The following SPAG6 variants were observed in gnomAD, a reference collection of about 807,000 sequenced individuals.
SPAG6 encodes the protein sperm associated antigen 6, also known as sperm-associated antigen 6.
SPAG6 carries 49 observed loss-of-function variants against 58.5 expected under a neutral mutation model. That is an observed-to-expected ratio of 0.84 (90% CI 0.67 to 1.06). The LOEUF is 1.06. Ranked by LOEUF, SPAG6 falls within the 50% of genes least tolerant of loss-of-function variation. The pLI is 0.00. For missense variants in SPAG6, 560 were observed against 611.3 expected (o/e 0.92, Z 0.89); for synonymous variants, 233 against 225.6 (o/e 1.03, Z -0.29).
intron 3 of SPAG6, among the ~76,000 whole-genome samples, chr10:22,367,745 T>C (rs1348483209): frequency 6.6e-6 from 1 of 152,192 alleles, no homozygotes; most frequent in Non-Finnish European, 1.5e-5. Context: ...AGTCTTGTGT[T>C]TCAGTTTCAT....
chr10:22,386,655 C>T, intron 4 of SPAG6, 99 bp from the exon 5 acceptor site: 1 of 867,734 alleles, frequency 1.2e-6, no homozygotes, highest in Admixed American at 1.8e-5. Context: ...GTGAAGTACA[C>T]CCTCCCCTTT....
At chr10:22,400,758 T>C (rs1034932095) in intron 8 of SPAG6, among the ~76,000 whole-genome samples, 18 of 152,094 alleles carry the variant, frequency 1.2e-4, no homozygotes, top group African/African-American at 4.1e-4. Flanking sequence ...AATGACATTC[T>C]TCAAAAAACC....
At chr10:22,347,457 C>T (rs548814626) in intron 2 of SPAG6, among the ~76,000 whole-genome samples, 11 of 152,036 alleles carry the variant, frequency 7.2e-5, no homozygotes, top group Non-Finnish European at 1.5e-4. Context: ...TTCTCTCAGT[C>T]CCTCTCAATG....
chr10:22,404,527 T>C (rs1212119714), intron 9 of SPAG6, among the ~76,000 whole-genome samples: 4 of 88,304 alleles, frequency 4.5e-5, no homozygotes, highest in Admixed American at 2.6e-4. Context: ...CATGCTGTTT[T>C]GGTTACTGTA....
In SPAG6 at chr10:22,345,714, C is replaced by G; in HGVS notation, c.26-9C>G. The G allele has an allele frequency of 6.2e-7, 1 of 1,609,224 alleles. No homozygotes were observed. Among genetic ancestry groups the G allele is most frequent in the Non-Finnish European group, 8.5e-7 (1 of 1,177,964 alleles). On this transcript the variant is annotated splice_polypyrimidine_tract_variant and intron_variant, in intron 1 of 10. Transcript: ENST00000376624. The surrounding 1 kb of genome is among the most constrained non-coding windows in gnomAD (Gnocchi z 6.3). ...GTGCGGTGGGCTCCACCGACTCTCT[C>G]TCCCGCAGTGTTCGAGCAATACCAG...
In SPAG6 at chr10:22,345,912, G is replaced by T; in HGVS notation, c.121+94G>T. On this transcript the variant is annotated intron_variant, in intron 2 of 10. Coordinates refer to ENST00000376624, the MANE Select transcript of SPAG6 (RefSeq NM_012443.4). The surrounding 1 kb of genome is among the most constrained non-coding windows in gnomAD (Gnocchi z 6.3). ...CTGCCCGTGGAGCTCTTGGGGAGCC[G>T]CAGTGTGGGGACCGGAGTTCGCAAA... 6.4e-7 allele frequency: 1 copy of T among 1,574,792 alleles called. No homozygotes were observed. The highest frequency in any genetic ancestry group is 1.4e-5 in the African/African-American group (1 of 73,702).
At chr10:22,354,739 G>A (rs973552070) in intron 2 of SPAG6, among the ~76,000 whole-genome samples, 1 of 152,162 alleles carries the variant, frequency 6.6e-6, no homozygotes, top group Admixed American at 6.5e-5. Flanking sequence ...GGCTAGGCAC[G>A]GTGGCTCACG....
rs886501883 is a variant in SPAG6, at chr10:22,360,918, C to T, written c.122-3935C>T. 18 of 970,062 alleles carry T rather than the reference C, an allele frequency of 1.9e-5. 1 individual carries two copies. The South Asian group carries it at 2.1e-4, about 11-fold the overall frequency. 60.1% of individuals were successfully genotyped at this position (970,062 alleles called of 1,614,324 possible). On this transcript the variant is annotated intron_variant, in intron 2 of 10. Transcript: ENST00000376624. ...TTCCTTCCTTCCTTCCTTCCATTGT[C>T]ACCATTTTTATGCAGTTTCCTTGCA...
intron 8 of SPAG6, among the ~76,000 whole-genome samples, chr10:22,399,388 T>C (rs1404170627): frequency 6.6e-6 from 1 of 152,168 alleles, no homozygotes; most frequent in Non-Finnish European, 1.5e-5. Flanking sequence ...TTCTGGACAA[T>C]CCATATAAAT....
rs541162584 is a variant in SPAG6, at chr10:22,379,496, C to A, written c.473-7258C>A. Among the ~76,000 whole-genome samples, 39 of 152,270 alleles carry A rather than the reference C, an allele frequency of 2.6e-4. No homozygotes were observed. The East Asian group carries it at 7.2e-3, about 28-fold the overall frequency. On this transcript the variant is annotated intron_variant, in intron 4 of 10. Transcript: ENST00000376624. ...TTTGAATCACTCACTTTGGAGGAAG[C>A]CTCATCATGAGCAGCCTATGTAGAG...
At chr10:22,362,382 A>C (rs1424776210) in intron 2 of SPAG6, among the ~76,000 whole-genome samples, 1 of 151,752 alleles carries the variant, frequency 6.6e-6, no homozygotes, top group Non-Finnish European at 1.5e-5. Context: ...ATGTTAACAA[A>C]TTTAGCTTTT....
Position 22,386,767 on chromosome 10 carries a change from T to A in SPAG6, c.486T>A (p.Ala162=), listed in dbSNP as rs772052047. Residue 162 remains alanine (A), a synonymous_variant, in exon 5 of 11, where the codon GCT becomes GCA. Transcript: ENST00000376624. ...TTGGACCCACAGAACTGTCACAAGC[T>A]GTGGTGGATGCAGGAGCTGTTCCTC... ...IARHNAELSQ[A]VVDAGAVPLL... 1.9e-6 allele frequency: 3 copies of A among 1,613,450 alleles called. No individual in the cohort carries two copies. The highest frequency in any genetic ancestry group is 2.5e-6 in the Non-Finnish European group (3 of 1,179,446).
chr10:22,412,814 G>T (rs995023245), intron 10 of SPAG6: 1 of 171,412 alleles, frequency 5.8e-6, no homozygotes, highest in African/African-American at 2.4e-5. Flanking sequence ...CTTGTGATCC[G>T]CCCACCTTGG....
intron 2 of SPAG6, among the ~76,000 whole-genome samples, chr10:22,348,097 T>A (rs993630641): frequency 1.3e-5 from 2 of 152,114 alleles, no homozygotes; most frequent in Non-Finnish European, 2.9e-5. Flanking sequence ...TTCAAGCGAT[T>A]CTCCTGCCTC....
At chr10:22,346,481 C>CTT (rs1204432689) in intron 2 of SPAG6, among the ~76,000 whole-genome samples, 1 of 139,568 alleles carries the variant, frequency 7.2e-6, no homozygotes, top group East Asian at 2.0e-4. Flanking sequence ...TCTTCTTCTT[C>CTT]TTCTTCTTCT....
At chr10:22,352,988 C>T (rs1588633368) in intron 2 of SPAG6, among the ~76,000 whole-genome samples, 1 of 152,144 alleles carries the variant, frequency 6.6e-6, no homozygotes, top group South Asian at 2.1e-4. Context: ...CTATCTTCAA[C>T]CTACATTTCT....
At chr10:22,396,452 A>G (rs373959906) in intron 8 of SPAG6, among the ~76,000 whole-genome samples, 83 of 152,282 alleles carry the variant, frequency 5.5e-4, no homozygotes, top group African/African-American at 1.7e-3. Context: ...TGTAACTCCA[A>G]TTAAACCTCT....
rs559365829 is a variant in SPAG6 at position 22,397,224 on chromosome 10, G to A, written c.1198-3937G>A. Among the ~76,000 whole-genome samples the A allele has an allele frequency of 3.3e-5, 5 of 151,650 alleles. No homozygotes were observed. In the East Asian group the frequency reaches 5.8e-4, roughly 18 times the overall value. On this transcript the variant is annotated intron_variant, in intron 8 of 10. Coordinates refer to ENST00000376624, the MANE Select transcript of SPAG6 (RefSeq NM_012443.4). ...CACACACACAGACACACACACACAC[G>A]CACACACACAAATCATAGAACTAAT... is the stretch of plus-strand genomic sequence containing the variant.
At chr10:22,371,790 C>T (rs550230947) in intron 4 of SPAG6, among the ~76,000 whole-genome samples, 51 of 152,252 alleles carry the variant, frequency 3.3e-4, no homozygotes, top group Admixed American at 1.4e-3. Flanking sequence ...AGCCGATGGG[C>T]ATTACCTGAC....
Sources: gnomAD v4.1 joint callset for allele counts (sites outside exome capture counted in the v4.1 genomes callset) on GRCh38, gnomAD v4.1.1 for gene constraint, Gnocchi (gnomAD v3.1) non-coding constraint, MANE v1.5 for transcripts, NCBI Gene and HGNC (gene_info 2026-07-23, HGNC 2026-07-21) for gene names.